ACOX3: variants seen among roughly 807,000 people sequenced by gnomAD.
The protein encoded by ACOX3 is acyl-CoA oxidase 3, pristanoyl.
A neutral mutation model predicts 81.5 loss-of-function variants in ACOX3; 73 were observed. The observed-to-expected ratio is 0.90, with a 90% CI of 0.74 to 1.09. The LOEUF (loss-of-function observed/expected upper bound fraction) is 1.09. Ranked by LOEUF, ACOX3 falls within the 50% of genes least tolerant of loss-of-function variation. The pLI is 0.00. For missense variants in ACOX3, 947 were observed against 928.0 expected (o/e 1.02, Z -0.27); for synonymous variants, 387 against 375.1 (o/e 1.03, Z -0.37).
At chr4:8,425,202 A>G (rs2631734) in intron 1 of ACOX3, among the ~76,000 whole-genome samples, 112,649 of 151,942 alleles carry the variant, frequency 0.74, 42,480 homozygotes, top group African/African-American at 0.87. Flanking sequence ...GAAAGGAAAG[A>G]GAAATAGAAG....
chr4:8,414,170 A>G lies in ACOX3; in HGVS notation c.543+122T>C. 1.2e-6 allele frequency: 1 copy of G among 820,050 alleles called. No individual in the cohort carries two copies. The highest frequency in any genetic ancestry group is 2.2e-5 in the Admixed American group (1 of 44,832). 50.8% of individuals were successfully genotyped at this position (820,050 alleles called of 1,614,324 possible). On this transcript the variant is annotated intron_variant, in intron 5 of 17. Transcript: ENST00000356406. The surrounding 1 kb of genome is among the most constrained non-coding windows in gnomAD (Gnocchi z 6.1). ...TGAATCTCAGTGGGTATTTCTACAC[A>G]AGTGTATGTGGACAGGCCTCTTGCT...
Position 8,368,309 on chromosome 4 carries a change from G to C in ACOX3, c.1984-1229C>G, listed in dbSNP as rs1715725267. Among the ~76,000 whole-genome samples, 1 of 152,236 alleles carries C rather than the reference G, an allele frequency of 6.6e-6. No individual in the cohort carries two copies. The highest frequency in any genetic ancestry group is 2.1e-4 in the South Asian group (1 of 4,838). ...TGGCCTCACTGGGAAGATGGGGAGAGACGCTCCTGTCTTGGAGGAAGGTTG... is the reference window on the plus strand; with the variant it reads ...TGGCCTCACTGGGAAGATGGGGAGACACGCTCCTGTCTTGGAGGAAGGTTG... On this transcript the variant is annotated intron_variant, in intron 17 of 17. Coordinates refer to ENST00000356406, the MANE Select transcript of ACOX3 (RefSeq NM_003501.3). This position sits in a 1 kb window ranked among gnomAD's most constrained non-coding sequence, Gnocchi z 5.9.
intron 9 of ACOX3, 79 bp downstream of exon 9, chr4:8,396,858 C>A (rs562438786): frequency 1.3e-6 from 2 of 1,529,064 alleles, no homozygotes; most frequent in Admixed American, 3.9e-5. Flanking sequence ...CTCCCAGTAA[C>A]CAAACGGCAA....
Position 8,416,054 on chromosome 4 carries a change from T to G in ACOX3, c.145-55A>C, listed in dbSNP as rs955220837. 6 of 1,550,994 alleles carry G rather than the reference T, an allele frequency of 3.9e-6. No individual in the cohort carries two copies. In the Admixed American group the frequency reaches 1.0e-4, roughly 26 times the overall value. On this transcript the variant is annotated intron_variant, in intron 2 of 17. Coordinates refer to ENST00000356406, the MANE Select transcript of ACOX3 (RefSeq NM_003501.3). The surrounding 1 kb of genome is among the most constrained non-coding windows in gnomAD (Gnocchi z 4.2). ...TTTGGAGTAAAAGATGGACTCTCCA[T>G]GTGCCCTTATATAGTTGACCTCCAG...
In ACOX3 at chr4:8,389,415, G is replaced by T; in HGVS notation, c.1424-129C>A. ...GACGGCCACAGACCCACAGGCGAGG[G>T]TCTGGGTCTCAAGGACCCTCCCCAC... On this transcript the variant is annotated intron_variant, in intron 12 of 17. Coordinates refer to ENST00000356406, the MANE Select transcript of ACOX3 (RefSeq NM_003501.3). The surrounding 1 kb of genome is among the most constrained non-coding windows in gnomAD (Gnocchi z 5.3). 1.6e-6 allele frequency: 2 copies of T among 1,261,776 alleles called. No homozygotes were observed. The highest frequency in any genetic ancestry group is 1.4e-5 in the South Asian group (1 of 71,220). 78.2% of individuals were successfully genotyped at this position (1,261,776 alleles called of 1,614,324 possible). A position where few individuals can be genotyped will look rare whatever the true frequency, so the allele number is the denominator to read the frequency against.
intron 1 of ACOX3, among the ~76,000 whole-genome samples, chr4:8,426,468 C>T (rs977260562): frequency 7.2e-5 from 11 of 151,932 alleles, no homozygotes; most frequent in African/African-American, 1.5e-4. Flanking sequence ...GCGACAACTG[C>T]GAGGAAAGTA....
chr4:8,406,151 C>A lies in ACOX3; in HGVS notation c.688-108G>T, dbSNP rs185462945. 7 of 1,050,588 alleles carry A rather than the reference C, an allele frequency of 6.7e-6. No individual in the cohort carries two copies. In the African/African-American group the frequency reaches 7.8e-5, roughly 12 times the overall value. The allele number at this position is 1,050,588 out of a possible 1,614,324, so 65.1% of individuals were successfully genotyped here. On this transcript the variant is annotated intron_variant, in intron 6 of 17. Transcript: ENST00000356406. The surrounding 1 kb of genome is among the most constrained non-coding windows in gnomAD (Gnocchi z 5.6). ...GGTGGGCCATGGGCTCAACGCTGGG[C>A]GGCTGTGGGTTAAACCATCCTCCAG...
chr4:8,398,300 A>C (rs959808975), intron 8 of ACOX3, among the ~76,000 whole-genome samples: 2 of 152,136 alleles, frequency 1.3e-5, no homozygotes, highest in Non-Finnish European at 2.9e-5. Context: ...CTGGAGTCAG[A>C]TCTGGAAGAT....
At chr4:8,365,171 CG>C (rs1447661282), downstream of ACOX3, among the ~76,000 whole-genome samples, 1 of 152,224 alleles carries the variant, frequency 6.6e-6, no homozygotes, top group African/African-American at 2.4e-5. Context: ...ACCCCGGGCC[CG>C]TGAGGCCTGT....
chr4:8,390,312 C>A (rs1444365960), intron 11 of ACOX3, among the ~76,000 whole-genome samples: 1 of 151,930 alleles, frequency 6.6e-6, no homozygotes, highest in African/African-American at 2.4e-5. Flanking sequence ...CCACTGTACT[C>A]CAGCCTCCGG....
Position 8,406,072 on chromosome 4 carries a change from A to G in ACOX3, c.688-29T>C, listed in dbSNP as rs1182847513. 1 of 1,598,850 alleles carries G rather than the reference A, an allele frequency of 6.3e-7. No homozygotes were observed. Among genetic ancestry groups the G allele is most frequent in the Non-Finnish European group, 8.6e-7 (1 of 1,166,460 alleles). On this transcript the variant is annotated intron_variant, in intron 6 of 17. Transcript: ENST00000356406. The surrounding 1 kb of genome is among the most constrained non-coding windows in gnomAD (Gnocchi z 5.6). ...TACAAAGCCACAGAAAGCAGCAAAC[A>G]GCAACTGTTACAATCACACAAAAAT...
At position 8,376,157 on chromosome 4, in the gene ACOX3, T is replaced by C. The variant is rs951469150; in HGVS notation, c.1654-1005A>G. On this transcript the variant is annotated intron_variant, in intron 14 of 17. Transcript: ENST00000356406. ...ACCGTGTATCTGTGTCACTTTTCTCTACAGCCTCGCCAGCATCTGTTATTT... is the reference window on the plus strand; with the variant it reads ...ACCGTGTATCTGTGTCACTTTTCTCCACAGCCTCGCCAGCATCTGTTATTT... Among the ~76,000 whole-genome samples, 92 of 152,204 alleles carry C rather than the reference T, an allele frequency of 6.0e-4. 1 individual carries two copies. The highest frequency in any genetic ancestry group is 5.7e-3 in the Admixed American group (87 of 15,274).
chr4:8,368,340 A>G lies in ACOX3; in HGVS notation c.1984-1260T>C, dbSNP rs943165993. Among the ~76,000 whole-genome samples the G allele has an allele frequency of 1.2e-4, 18 of 152,224 alleles. No individual in the cohort carries two copies. The highest frequency in any genetic ancestry group is 4.3e-4 in the African/African-American group (18 of 41,464). Reference sequence around the variant, plus strand: ...CCTGTCTTGGAGGAAGGTTGTACAAATGAAGGGCGAAGGGCAGCTGAGCAG... The same window carrying G: ...CCTGTCTTGGAGGAAGGTTGTACAAGTGAAGGGCGAAGGGCAGCTGAGCAG... On this transcript the variant is annotated intron_variant, in intron 17 of 17. Coordinates refer to ENST00000356406, the MANE Select transcript of ACOX3 (RefSeq NM_003501.3). This position sits in a 1 kb window ranked among gnomAD's most constrained non-coding sequence, Gnocchi z 5.9.
At chr4:8,374,861 C>G (rs552336026) in intron 15 of ACOX3, 117 bp downstream of exon 15, 5 of 1,162,230 alleles carry the variant, frequency 4.3e-6, no homozygotes, top group African/African-American at 1.6e-5. Flanking sequence ...CAGCGCCATC[C>G]GCCGTGCTCA....
At chr4:8,410,747 A>G (rs893987687) in intron 5 of ACOX3, among the ~76,000 whole-genome samples, 19 of 152,176 alleles carry the variant, frequency 1.2e-4, no homozygotes, top group African/African-American at 4.3e-4. Flanking sequence ...AATGCCGTGC[A>G]GTCCACTCAG....
In ACOX3 at chr4:8,370,280, G is replaced by T. The variant is rs1387622799; in HGVS notation, c.1983+628C>A. ...AGCGTGGGGTGAAGGGCCTTGGAAG[G>T]ATTCAGTGGCTGTGTGGGGCTGGGG... On this transcript the variant is annotated intron_variant, in intron 17 of 17. Transcript: ENST00000356406. The surrounding 1 kb of genome is among the most constrained non-coding windows in gnomAD (Gnocchi z 6.3). Among the ~76,000 whole-genome samples, 1 of 152,106 alleles carries T rather than the reference G, an allele frequency of 6.6e-6. No individual in the cohort carries two copies. The highest frequency in any genetic ancestry group is 2.4e-5 in the African/African-American group (1 of 41,444).
chr4:8,370,970 C>A lies in ACOX3; in HGVS notation c.1921G>T (p.Val641Leu). The A allele has an allele frequency of 6.2e-7, 1 of 1,614,128 alleles. No homozygotes were observed. The highest frequency in any genetic ancestry group is 8.5e-7 in the Non-Finnish European group (1 of 1,180,020). ...SQLKDDAVAL[V>L]DVIAPPDFVL... The stretch of plus-strand genomic sequence containing the variant: ...AAGTCAGGAGGAGCGATCACGTCTA[C>A]CAGGGCAACTGCATCGTCTTTCAGC... Residue 641 changes from valine to leucine, a missense_variant, in exon 17 of 18, where the codon GTA (valine) becomes TTA (leucine). Coordinates refer to ENST00000356406, the MANE Select transcript of ACOX3 (RefSeq NM_003501.3). This position sits in a 1 kb window ranked among gnomAD's most constrained non-coding sequence, Gnocchi z 6.3.
rs1348477403 is a variant in ACOX3 at position 8,381,304 on chromosome 4, C to T, written c.1653+188G>A. On this transcript the variant is annotated intron_variant, in intron 14 of 17. Coordinates refer to ENST00000356406, the MANE Select transcript of ACOX3 (RefSeq NM_003501.3). This position sits in a 1 kb window ranked among gnomAD's most constrained non-coding sequence, Gnocchi z 4.3. ...CCATGACCTCCCCAGCCCAGCAAGACAGGTGCTGCCATCCCTGTGTTACAG... is the reference window on the plus strand; with the variant it reads ...CCATGACCTCCCCAGCCCAGCAAGATAGGTGCTGCCATCCCTGTGTTACAG... Among the ~76,000 whole-genome samples the T allele has an allele frequency of 6.6e-6, 1 of 152,186 alleles. No homozygotes were observed. Among genetic ancestry groups the T allele is most frequent in the African/African-American group, 2.4e-5 (1 of 41,444 alleles).
rs954375884 is a variant in ACOX3, at chr4:8,423,234, T to A, written c.-14-6699A>T. Among the ~76,000 whole-genome samples, 1 of 152,198 alleles carries A rather than the reference T, an allele frequency of 6.6e-6. No homozygotes were observed. Among genetic ancestry groups the A allele is most frequent in the Admixed American group, 6.5e-5 (1 of 15,280 alleles). On this transcript the variant is annotated intron_variant, in intron 1 of 17. Coordinates refer to ENST00000356406, the MANE Select transcript of ACOX3 (RefSeq NM_003501.3). The surrounding 1 kb of genome is among the most constrained non-coding windows in gnomAD (Gnocchi z 4.2). ...ACTTCATTCTTTTCACTTGCCTTTC[T>A]AATTATGCCTGAAACCCCCACACCC...
Sources: allele counts gnomAD v4.1 joint callset (sites outside exome capture counted in the v4.1 genomes callset), GRCh38; gene constraint gnomAD v4.1.1; non-coding constraint Gnocchi (gnomAD v3.1); transcripts MANE v1.5; gene names NCBI Gene and HGNC (gene_info 2026-07-23, HGNC 2026-07-21).